Variants in SLC20A2 observed in about 807,000 individuals in gnomAD.
SLC20A2 encodes sodium-dependent phosphate transporter 2.
In SLC20A2, 30 loss-of-function variants were observed where a neutral mutation model predicts 61.0. That is an observed-to-expected ratio of 0.49 (90% CI 0.37 to 0.67). SLC20A2 has a LOEUF of 0.67. Among genes scored for constraint, SLC20A2 ranks in the 30% least tolerant of loss-of-function variants. The probability of loss-of-function intolerance (pLI) is 0.00; values close to 1 mark genes in which losing one functional copy is unlikely to be tolerated. For missense variants in SLC20A2, 626 were observed against 866.4 expected, an observed-to-expected ratio of 0.72 and a Z score of 3.48; for synonymous variants, 351 against 353.3, an observed-to-expected ratio of 0.99 and a Z score of 0.07.
At chr8:42,508,389 G>A (rs1010054395) in intron 1 of SLC20A2, among the ~76,000 whole-genome samples, 8 of 151,944 alleles carry the variant, frequency 5.3e-5, no homozygotes, top group African/African-American at 1.9e-4. Context: ...GAGTCTCGGA[G>A]TCTCGCTCTG....
chr8:42,419,541 T>G (rs1264344316), intron 10 of SLC20A2: 1 of 185,504 alleles, frequency 5.4e-6, no homozygotes, highest in Non-Finnish European at 1.0e-5. Flanking sequence ...AGAATGAGAC[T>G]CAGTCTCAAA....
intron 1 of SLC20A2, among the ~76,000 whole-genome samples, chr8:42,528,254 G>A (rs1812102482): frequency 6.6e-6 from 1 of 152,178 alleles, no homozygotes; most frequent in Non-Finnish European, 1.5e-5. Context: ...GAGGTCAGGA[G>A]ATCGAGACCA....
intron 1 of SLC20A2, among the ~76,000 whole-genome samples, chr8:42,507,832 A>C (rs1810797470): frequency 6.6e-6 from 1 of 152,248 alleles, no homozygotes; most frequent in Admixed American, 6.5e-5. Context: ...TCCAATAGGA[A>C]CATAAGCAAA....
chr8:42,481,038 T>C (rs1305563411), intron 1 of SLC20A2, among the ~76,000 whole-genome samples: 1 of 152,162 alleles, frequency 6.6e-6, no homozygotes, highest in Non-Finnish European at 1.5e-5. Flanking sequence ...ATCTTCCTTA[T>C]CCTTCTCTTG....
At chr8:42,473,526 G>C (rs1195760396) in intron 1 of SLC20A2, among the ~76,000 whole-genome samples, 1 of 152,088 alleles carries the variant, frequency 6.6e-6, no homozygotes, top group Non-Finnish European at 1.5e-5. Flanking sequence ...CCTGCATTCA[G>C]GTCCCTGCTC....
intron 1 of SLC20A2, among the ~76,000 whole-genome samples, chr8:42,513,357 C>T (rs1811133103): frequency 6.6e-6 from 1 of 152,142 alleles, no homozygotes; most frequent in Non-Finnish European, 1.5e-5. Context: ...ATTCAGAAAC[C>T]GCTGGAGTCT....
At chr8:42,433,414 C>G (rs755605963) in intron 8 of SLC20A2, among the ~76,000 whole-genome samples, 1 of 151,984 alleles carries the variant, frequency 6.6e-6, no homozygotes. Context: ...ATATCCTCCA[C>G]CTGGGTTCAA....
intron 1 of SLC20A2, among the ~76,000 whole-genome samples, chr8:42,499,467 G>A (rs1810182237): frequency 6.6e-6 from 1 of 152,186 alleles, no homozygotes; most frequent in Non-Finnish European, 1.5e-5. Context: ...AAGTGTTTAT[G>A]CGCATTTTAG....
In SLC20A2 at chr8:42,470,932, C is replaced by G. The variant is rs1030408248; in HGVS notation, c.289+1170G>C. 5 of 318,378 alleles carry G rather than the reference C, an allele frequency of 1.6e-5. No individual in the cohort carries two copies. The East Asian group carries it at 4.1e-4, about 26-fold the overall frequency. The allele number at this position is 318,378 out of a possible 1,614,324, so 19.7% of individuals were successfully genotyped here. On this transcript the variant is annotated intron_variant, in intron 2 of 10. Coordinates refer to ENST00000520262, the MANE Select transcript of SLC20A2 (RefSeq NM_001257180.2). ...GAGGTGGCAGTGAGCGGAGATCACACTATTGCACTCCAGCCTGGGCCACAG... is the reference window on the plus strand; with the variant it reads ...GAGGTGGCAGTGAGCGGAGATCACAGTATTGCACTCCAGCCTGGGCCACAG...
chr8:42,434,400 A>ATT (rs371374496), intron 8 of SLC20A2, among the ~76,000 whole-genome samples: 1 of 144,626 alleles, frequency 6.9e-6, no homozygotes, highest in African/African-American at 2.5e-5. Flanking sequence ...TAAATGGATT[A>ATT]TTTTTTTTTT....
chr8:42,459,235 CAAAAAAAAAAAAAA>C (rs756966778), intron 5 of SLC20A2, among the ~76,000 whole-genome samples: 1 of 36,076 alleles, frequency 2.8e-5, no homozygotes, highest in Non-Finnish European at 7.3e-5. Flanking sequence ...GACTCTATCT[CAAAAAAAAAAAAAA>C]AAAAAAAAAA....
chr8:42,537,023 C>G (rs973464802), intron 1 of SLC20A2, among the ~76,000 whole-genome samples: 2 of 150,444 alleles, frequency 1.3e-5, no homozygotes, highest in African/African-American at 4.9e-5. Flanking sequence ...TGCAGTGAGG[C>G]AAGATCGCGC....
chr8:42,518,566 A>G (rs1429504051), intron 1 of SLC20A2, among the ~76,000 whole-genome samples: 1 of 152,228 alleles, frequency 6.6e-6, no homozygotes, highest in Non-Finnish European at 1.5e-5. Context: ...AGGAATTCAC[A>G]TCAGGCTATG....
intron 1 of SLC20A2, among the ~76,000 whole-genome samples, chr8:42,491,347 TA>T (rs1347848416): frequency 6.6e-6 from 1 of 151,774 alleles, no homozygotes; most frequent in Non-Finnish European, 1.5e-5. Context: ...CCGTCTCTAC[TA>T]AAAAAAATTT....
At chr8:42,509,845 C>T (rs937226156) in intron 1 of SLC20A2, among the ~76,000 whole-genome samples, 2 of 152,058 alleles carry the variant, frequency 1.3e-5, no homozygotes, top group African/African-American at 4.8e-5. Context: ...AACAAAAGAG[C>T]ACTAATACCA....
At chr8:42,516,673 T>C (rs1466209693) in intron 1 of SLC20A2, among the ~76,000 whole-genome samples, 1 of 152,246 alleles carries the variant, frequency 6.6e-6, no homozygotes, top group Non-Finnish European at 1.5e-5. Flanking sequence ...ACTTTCCTTT[T>C]ATACCATCCT....
intron 1 of SLC20A2, among the ~76,000 whole-genome samples, chr8:42,477,580 C>T (rs1239651889): frequency 6.6e-6 from 1 of 151,006 alleles, no homozygotes; most frequent in Non-Finnish European, 1.5e-5. Flanking sequence ...AAACAATTCT[C>T]CTGCCTCAGC....
intron 1 of SLC20A2, among the ~76,000 whole-genome samples, chr8:42,523,833 C>T (rs1484777384): frequency 1.3e-5 from 2 of 152,214 alleles, no homozygotes; most frequent in African/African-American, 2.4e-5. Flanking sequence ...AGCTCCACCA[C>T]CACATTCCCA....
chr8:42,492,863 TAG>T (rs1204996760), intron 1 of SLC20A2, among the ~76,000 whole-genome samples: 4 of 152,172 alleles, frequency 2.6e-5, no homozygotes, highest in Admixed American at 6.5e-5. Context: ...GTATTTTTAG[TAG>T]AGAGACGGGG....
Sources: gnomAD v4.1 joint callset for allele counts (sites outside exome capture counted in the v4.1 genomes callset) on GRCh38, gnomAD v4.1.1 for gene constraint, MANE v1.5 for transcripts, NCBI Gene and HGNC (gene_info 2026-07-23, HGNC 2026-07-21) for gene names.